BCKDHB: variants seen among roughly 807,000 people sequenced by gnomAD.
The protein encoded by BCKDHB is branched chain keto acid dehydrogenase E1 subunit beta.
In BCKDHB, 41 loss-of-function variants were observed where a neutral mutation model predicts 48.5. The ratio of observed to expected loss-of-function variants is 0.85; its 90% confidence interval spans 0.66 to 1.10. BCKDHB has a LOEUF of 1.10. Ranked by LOEUF, BCKDHB falls within the 50% of genes least tolerant of loss-of-function variation. The pLI is 0.00. For synonymous variants in BCKDHB, 201 were observed against 174.8 expected (o/e 1.15, Z -1.18); for missense variants, 496 against 494.2 (o/e 1.00, Z -0.03).
downstream of BCKDHB, among the ~76,000 whole-genome samples, chr6:80,349,958 A>G (rs1770348579): frequency 6.6e-6 from 1 of 152,166 alleles, no homozygotes; most frequent in African/African-American, 2.4e-5. Flanking sequence ...TATTTCCACA[A>G]ACAGAAACTA....
intron 9 of BCKDHB, among the ~76,000 whole-genome samples, chr6:80,308,478 A>C (rs1290012120): frequency 6.6e-6 from 1 of 152,200 alleles, no homozygotes; most frequent in East Asian, 1.9e-4. Flanking sequence ...ACATTAAGCA[A>C]AGTTACTATC....
chr6:80,245,992 C>G (rs536455974), intron 8 of BCKDHB, among the ~76,000 whole-genome samples: 1 of 152,212 alleles, frequency 6.6e-6, no homozygotes, highest in African/African-American at 2.4e-5. Context: ...GGGAGGATCA[C>G]TTGAGCCTGG....
chr6:80,288,465 G>A (rs1182279244), intron 9 of BCKDHB, among the ~76,000 whole-genome samples: 1 of 152,020 alleles, frequency 6.6e-6, no homozygotes, highest in Non-Finnish European at 1.5e-5. Context: ...TGAAAAATAT[G>A]ATGAGAAAAG....
rs912771947 is a variant in BCKDHB at position 80,278,598 on chromosome 6, C to T, written c.1038+5377C>T. 5.3e-5 allele frequency among the ~76,000 whole-genome samples: 8 copies of T among 151,994 alleles called. No individual in the cohort carries two copies. In the South Asian group the frequency reaches 8.3e-4, roughly 16 times the overall value. On this transcript the variant is annotated intron_variant, in intron 9 of 9. Coordinates refer to ENST00000320393, the MANE Select transcript of BCKDHB (RefSeq NM_183050.4). ...TTTTTGAGAGGGAGTCTCGCTCTGT[C>T]GCCCAGGCTGGAGTGCAGTGGCGCA...
chr6:80,136,760 A>C (rs973703387), intron 3 of BCKDHB, among the ~76,000 whole-genome samples: 13 of 152,030 alleles, frequency 8.6e-5, no homozygotes, highest in East Asian at 1.9e-4. Flanking sequence ...TACAAAAAAA[A>C]CCCCAATCAA....
chr6:80,357,902 T>G, the BCKDHB span, among the ~76,000 whole-genome samples: 2 of 152,216 alleles, frequency 1.3e-5, no homozygotes, highest in Non-Finnish European at 2.9e-5. Context: ...TGCTTTTTTC[T>G]TCTTGCACTT....
At chr6:80,120,369 A>G (rs146110473) in intron 1 of BCKDHB, among the ~76,000 whole-genome samples, 2,699 of 152,228 alleles carry the variant, frequency 0.018, 47 homozygotes, top group Middle Eastern at 0.031. Flanking sequence ...TCCTTTGGAT[A>G]TATACCCAGT....
At chr6:80,234,040 C>T (rs191470746) in intron 8 of BCKDHB, among the ~76,000 whole-genome samples, 91 of 152,202 alleles carry the variant, frequency 6.0e-4, no homozygotes, top group Non-Finnish European at 1.2e-4. Context: ...ACCCTAGATC[C>T]CTCGCATGCA....
Position 80,163,213 on chromosome 6 carries a change from C to G in BCKDHB, c.344-4465C>G, listed in dbSNP as rs1323322408. Among the ~76,000 whole-genome samples, 4 of 151,874 alleles carry G rather than the reference C, an allele frequency of 2.6e-5. No homozygotes were observed. The East Asian group carries it at 7.8e-4, about 29-fold the overall frequency. The stretch of plus-strand genomic sequence containing the variant: ...AGCCATAGCGCCTGGCTTCTTCTCT[C>G]TTTTATAGCACCGTTTCTCCATATA... On this transcript the variant is annotated intron_variant, in intron 3 of 9. Transcript: ENST00000320393.
At chr6:80,398,696 G>GA in the BCKDHB span, among the ~76,000 whole-genome samples, 208 of 144,224 alleles carry the variant, frequency 1.4e-3, 3 homozygotes, top group South Asian at 0.025. Context: ...TAAAACTTTT[G>GA]AAAAAAAAAA....
At chr6:80,200,049 G>A (rs1774314129) in intron 6 of BCKDHB, among the ~76,000 whole-genome samples, 1 of 122,262 alleles carries the variant, frequency 8.2e-6, no homozygotes, top group South Asian at 3.0e-4. Context: ...GGGTGACAGA[G>A]TGAGACCCTG....
intron 8 of BCKDHB, among the ~76,000 whole-genome samples, chr6:80,266,481 C>T (rs1265225705): frequency 6.6e-6 from 1 of 152,054 alleles, no homozygotes; most frequent in African/African-American, 2.4e-5. Context: ...GTCCTCTAGT[C>T]CAGTACAATA....
At chr6:80,159,486 A>C (rs575080260) in intron 3 of BCKDHB, among the ~76,000 whole-genome samples, 4 of 152,188 alleles carry the variant, frequency 2.6e-5, no homozygotes, top group Non-Finnish European at 5.9e-5. Context: ...ATTTGCGTGC[A>C]TATTCATTAT....
chr6:80,387,192 G>A, the BCKDHB span, among the ~76,000 whole-genome samples: 1 of 152,148 alleles, frequency 6.6e-6, no homozygotes. Context: ...CTTACAGTGG[G>A]TCCAGTGGGT....
intron 8 of BCKDHB, among the ~76,000 whole-genome samples, chr6:80,217,706 T>C (rs1775236595): frequency 6.6e-6 from 1 of 152,210 alleles, no homozygotes; most frequent in Admixed American, 6.5e-5. Flanking sequence ...TCTCTAGCAA[T>C]ACATTGCACA....
intron 8 of BCKDHB, among the ~76,000 whole-genome samples, chr6:80,246,673 C>T (rs558377474): frequency 6.6e-6 from 1 of 152,294 alleles, no homozygotes; most frequent in East Asian, 1.9e-4. Context: ...GCTGTCTACC[C>T]AACACTGGCT....
chr6:80,196,167 C>G (rs1373478551), intron 6 of BCKDHB, among the ~76,000 whole-genome samples: 3 of 152,104 alleles, frequency 2.0e-5, no homozygotes, highest in Non-Finnish European at 2.9e-5. Context: ...TATATTGAAT[C>G]AGAAGGATTG....
chr6:80,207,603 C>T (rs965928113), intron 8 of BCKDHB, among the ~76,000 whole-genome samples: 4 of 151,594 alleles, frequency 2.6e-5, no homozygotes, highest in Admixed American at 6.6e-5. Context: ...TCATGAAAAA[C>T]AACTACCACC....
intron 9 of BCKDHB, among the ~76,000 whole-genome samples, chr6:80,278,194 A>G (rs1445596838): frequency 6.6e-6 from 1 of 152,240 alleles, no homozygotes; most frequent in East Asian, 1.9e-4. Context: ...AAAATTTACC[A>G]GTGATACAAA....
Sources: gnomAD v4.1 joint callset for allele counts (sites outside exome capture counted in the v4.1 genomes callset) on GRCh38, gnomAD v4.1.1 for gene constraint, MANE v1.5 for transcripts, NCBI Gene and HGNC (gene_info 2026-07-23, HGNC 2026-07-21) for gene names.